The following PLXNA4 variants were observed in gnomAD, a reference collection of about 807,000 sequenced individuals.
The protein encoded by PLXNA4 is plexin-A4.
PLXNA4 carries 44 observed loss-of-function variants against 191.8 expected under a neutral mutation model. The ratio of observed to expected loss-of-function variants is 0.23; its 90% CI spans 0.18 to 0.29. PLXNA4 has a LOEUF of 0.29. Ranked by LOEUF, PLXNA4 falls within the 10% of genes least tolerant of loss-of-function variation. PLXNA4 has a pLI of 1.00. For missense variants in PLXNA4, 1,800 were observed against 2,488.8 expected, an observed-to-expected ratio of 0.72 and a Z score of 5.89; for synonymous variants, 1,082 against 1,009.5, an observed-to-expected ratio of 1.07 and a Z score of -1.36.
chr7:132,269,193 G>A (rs910858792), intron 4 of PLXNA4, among the ~76,000 whole-genome samples: 2 of 152,100 alleles, frequency 1.3e-5, no homozygotes, highest in Non-Finnish European at 2.9e-5. Flanking sequence ...AGATTTGGGT[G>A]TATGAGAGCA....
intron 3 of PLXNA4, among the ~76,000 whole-genome samples, chr7:132,419,125 A>C (rs1049829806): frequency 6.6e-6 from 1 of 152,180 alleles, no homozygotes; most frequent in Non-Finnish European, 1.5e-5. Context: ...CTGGAAGTGA[A>C]CATTCCTCAT....
At chr7:132,440,916 C>T (rs1795676424) in intron 3 of PLXNA4, among the ~76,000 whole-genome samples, 1 of 152,166 alleles carries the variant, frequency 6.6e-6, no homozygotes, top group African/African-American at 2.4e-5. Context: ...ACATCCGCTT[C>T]TAGAAGCAAA....
intron 3 of PLXNA4, among the ~76,000 whole-genome samples, chr7:132,354,182 TGTGC>T (rs919545283): frequency 6.6e-6 from 1 of 150,812 alleles, no homozygotes; most frequent in South Asian, 2.1e-4. Flanking sequence ...ACCAACAGTG[TGTGC>T]GTGTGTGTGT....
In PLXNA4 at chr7:132,125,663, C is replaced by A. The variant is rs1044061460; in HGVS notation, c.*4816G>T. On this transcript the variant is annotated 3_prime_UTR_variant, in exon 32 of 32. Coordinates refer to ENST00000321063, the MANE Select transcript of PLXNA4 (RefSeq NM_020911.2). The stretch of plus-strand genomic sequence containing the variant: ...CTGAGGGTTCAAGGCCTCCCAGTCA[C>A]CTGTCCTGAGAGCTGGCAGGAAGAG... 6 of 152,050 alleles carry A rather than the reference C, an allele frequency of 3.9e-5. No individual in the cohort carries two copies. Among genetic ancestry groups the A allele is most frequent in the Admixed American group, 6.5e-5 (1 of 15,272 alleles). 9.4% of individuals were successfully genotyped at this position (152,050 alleles called of 1,614,324 possible).
chr7:132,499,896 G>A (rs1328212812), intron 2 of PLXNA4, among the ~76,000 whole-genome samples: 3 of 152,098 alleles, frequency 2.0e-5, no homozygotes, highest in Non-Finnish European at 4.4e-5. Context: ...GAAGGGAGTG[G>A]GCTGCTTCTC....
At chr7:132,184,227 G>T (rs940389102) in intron 16 of PLXNA4, among the ~76,000 whole-genome samples, 2 of 152,240 alleles carry the variant, frequency 1.3e-5, no homozygotes, top group Non-Finnish European at 2.9e-5. Flanking sequence ...GGCAGCGGGA[G>T]GGGGCTGAGC....
In PLXNA4 at chr7:132,292,200, C is replaced by T. The variant is rs141984147; in HGVS notation, c.1503+5891G>A. Among the ~76,000 whole-genome samples the T allele has an allele frequency of 2.7e-3, 404 of 152,274 alleles. 3 individuals carry two copies. The highest frequency in any genetic ancestry group is 8.2e-3 in the African/African-American group (339 of 41,548). ...CTGTTTCACGACTACTAAAATATGA[C>T]GCAAAATATTTCCCCTGACTGTCAA... On this transcript the variant is annotated intron_variant, in intron 4 of 31. Coordinates refer to ENST00000321063, the MANE Select transcript of PLXNA4 (RefSeq NM_020911.2).
rs1794880351 is a variant in PLXNA4, at chr7:132,130,047, C to T, written c.*432G>A. ...ATACTGAAGTCCTTCCTTGCCTCTT[C>T]CCTAGGCCAAGGCTCAGACCAAAGC... is the stretch of plus-strand genomic sequence containing the variant. On this transcript the variant is annotated 3_prime_UTR_variant, in exon 32 of 32. Transcript: ENST00000321063. 5.3e-6 allele frequency: 1 copy of T among 187,912 alleles called. No individual in the cohort carries two copies. Among genetic ancestry groups the T allele is most frequent in the Admixed American group, 5.3e-5 (1 of 18,734 alleles). The allele number at this position is 187,912 out of a possible 1,614,324, so 11.6% of individuals were successfully genotyped here.
chr7:132,209,963 C>T (rs1797742940), intron 10 of PLXNA4, among the ~76,000 whole-genome samples: 1 of 152,200 alleles, frequency 6.6e-6, no homozygotes, highest in Non-Finnish European at 1.5e-5. Flanking sequence ...TGGGCCTACA[C>T]TTGCACACTC....
chr7:132,342,808 A>G (rs572416661), intron 3 of PLXNA4, among the ~76,000 whole-genome samples: 2 of 152,064 alleles, frequency 1.3e-5, no homozygotes, highest in Non-Finnish European at 2.9e-5. Flanking sequence ...TTAGCCAGGC[A>G]TGGTGCTGGG....
chr7:132,435,964 T>C (rs1180356215), intron 3 of PLXNA4, among the ~76,000 whole-genome samples: 1 of 152,216 alleles, frequency 6.6e-6, no homozygotes, highest in Non-Finnish European at 1.5e-5. Context: ...AGTACTAATA[T>C]TCTCTAAATT....
At chr7:132,396,725 C>T (rs1793779512) in intron 3 of PLXNA4, among the ~76,000 whole-genome samples, 1 of 152,234 alleles carries the variant, frequency 6.6e-6, no homozygotes, top group Non-Finnish European at 1.5e-5. Flanking sequence ...CTCTTGGCCT[C>T]AAGTGATCCA....
At chr7:132,141,064 G>A (rs62469700) in intron 29 of PLXNA4, among the ~76,000 whole-genome samples, 3,005 of 152,326 alleles carry the variant, frequency 0.02, 54 homozygotes, top group Non-Finnish European at 0.031. Flanking sequence ...GTAGGTACTT[G>A]AGAGGACTTG....
chr7:132,208,972 C>A (rs927523020), intron 10 of PLXNA4, among the ~76,000 whole-genome samples: 3 of 152,192 alleles, frequency 2.0e-5, no homozygotes, highest in Non-Finnish European at 4.4e-5. Context: ...AGGCAGCTCT[C>A]GGCCTGGGAA....
Position 132,576,384 on chromosome 7 carries a change from C to A in PLXNA4, c.-87+38G>T, listed in dbSNP as rs530787806. 77 of 985,650 alleles carry A rather than the reference C, an allele frequency of 7.8e-5. No individual in the cohort carries two copies. The highest frequency in any genetic ancestry group is 9.2e-5 in the Non-Finnish European group (76 of 829,966). The allele number at this position is 985,650 out of a possible 1,614,324, so 61.1% of individuals were successfully genotyped here. A position where few individuals can be genotyped will look rare whatever the true frequency, so the allele number is the denominator to read the frequency against. The stretch of plus-strand genomic sequence containing the variant: ...CTGTCCGACCTTGCTGCCCTCGCCG[C>A]CCGCCCGGCCCCACTCCCCGGCGGG... On this transcript the variant is annotated intron_variant, in intron 1 of 31. Transcript: ENST00000321063. This position sits in a 1 kb window ranked among gnomAD's most constrained non-coding sequence, Gnocchi z 5.8.
At chr7:132,310,893 AG>A (rs1224244603) in intron 3 of PLXNA4, among the ~76,000 whole-genome samples, 1 of 152,148 alleles carries the variant, frequency 6.6e-6, no homozygotes, top group Non-Finnish European at 1.5e-5. Context: ...ACCTATGACA[AG>A]GGGCAGAGGT....
intron 3 of PLXNA4, among the ~76,000 whole-genome samples, chr7:132,344,080 T>A (rs917035051): frequency 6.6e-6 from 1 of 152,198 alleles, no homozygotes; most frequent in Admixed American, 6.5e-5. Context: ...AATTACTGTG[T>A]CTTATCAGGA....
chr7:132,590,443 T>C (rs1057455404), intron 2 of PLXNA4, among the ~76,000 whole-genome samples: 2 of 152,112 alleles, frequency 1.3e-5, no homozygotes, highest in African/African-American at 4.8e-5. Flanking sequence ...CATCTGCAAG[T>C]TGAGGAGCAA....
intron 1 of PLXNA4, among the ~76,000 whole-genome samples, chr7:132,531,198 G>A (rs373411247): frequency 6.6e-6 from 1 of 152,108 alleles, no homozygotes; most frequent in Non-Finnish European, 1.5e-5. Flanking sequence ...TGAATTTTAC[G>A]CTTAAAATGG....
Sources: allele counts gnomAD v4.1 joint callset (sites outside exome capture counted in the v4.1 genomes callset), GRCh38; gene constraint gnomAD v4.1.1; non-coding constraint Gnocchi (gnomAD v3.1); transcripts MANE v1.5; gene names NCBI Gene and HGNC (gene_info 2026-07-23, HGNC 2026-07-21).